Variants in OXNAD1 observed in about 807,000 individuals in gnomAD.
The protein encoded by OXNAD1 is oxidoreductase NAD-binding domain-containing protein 1.
Under a neutral mutation model 32.9 loss-of-function variants are expected in OXNAD1, and 34 were observed. That is an observed-to-expected ratio of 1.03 (90% CI 0.79 to 1.38). OXNAD1 has a LOEUF of 1.38. Ranked by LOEUF, OXNAD1 falls within the 40% of genes most tolerant of loss-of-function variation. The pLI is 0.00. For synonymous variants in OXNAD1, 134 were observed against 135.2 expected, an observed-to-expected ratio of 0.99 and a Z score of 0.06; for missense variants, 407 against 379.4, an observed-to-expected ratio of 1.07 and a Z score of -0.60.
rs1468055255 is a variant in OXNAD1, at chr3:16,320,559, G to A, written c.*31-16553G>A. On this transcript the variant is annotated intron_variant, in intron 9 of 9. Coordinates refer to the OXNAD1 transcript ENST00000435829. This position sits in a 1 kb window ranked among gnomAD's most constrained non-coding sequence, Gnocchi z 4.5. ...CTCTGCCTGGGAAGGATAAAATAAT[G>A]ATCACAAATAACTAAAAGCCCAAAG... 6.6e-6 allele frequency among the ~76,000 whole-genome samples: 1 copy of A among 152,202 alleles called. No homozygotes were observed. Among genetic ancestry groups the A allele is most frequent in the Non-Finnish European group, 1.5e-5 (1 of 68,034 alleles).
At position 16,284,239 on chromosome 3, in the gene OXNAD1, T is replaced by C. The variant is rs540495053; in HGVS notation, c.184-2103T>C. On this transcript the variant is annotated intron_variant, in intron 4 of 8. Transcript: ENST00000285083. This position sits in a 1 kb window ranked among gnomAD's most constrained non-coding sequence, Gnocchi z 4.1. ...AAAAGCATTGGTATGGTGGCATATA[T>C]AGTTATAAATGAATAAAATGTAATA... Among the ~76,000 whole-genome samples, 3 of 152,320 alleles carry C rather than the reference T, an allele frequency of 2.0e-5. No homozygotes were observed. The South Asian group carries it at 6.2e-4, about 32-fold the overall frequency.
intron 9 of OXNAD1, among the ~76,000 whole-genome samples, chr3:16,325,574 G>C (rs1472337842): frequency 6.6e-6 from 1 of 152,128 alleles, no homozygotes; most frequent in Non-Finnish European, 1.5e-5. Flanking sequence ...TGAAGACTTG[G>C]GTTCAAGTCT....
chr3:16,347,173 T>C (rs908274553), intron 9 of OXNAD1, among the ~76,000 whole-genome samples: 7 of 152,152 alleles, frequency 4.6e-5, no homozygotes, highest in Non-Finnish European at 8.8e-5. Flanking sequence ...CTTCAACCCA[T>C]TGCAAAAATC....
At chr3:16,282,038 T>C (rs1253498694) in intron 4 of OXNAD1, among the ~76,000 whole-genome samples, 1 of 68,120 alleles carries the variant, frequency 1.5e-5, no homozygotes, top group East Asian at 3.2e-4. Context: ...ATGTTTGTAA[T>C]TTTTTTTTTT....
chr3:16,326,733 A>C (rs1315420082), intron 9 of OXNAD1: 1 of 1,432,492 alleles, frequency 7.0e-7, no homozygotes, highest in East Asian at 2.3e-5. Flanking sequence ...AGCACAGAGT[A>C]AGTGTTCAAT....
At position 16,321,834 on chromosome 3, in the gene OXNAD1, A is replaced by G. The variant is rs935491005; in HGVS notation, c.*31-15278A>G. Among the ~76,000 whole-genome samples, 1 of 152,190 alleles carries G rather than the reference A, an allele frequency of 6.6e-6. No homozygotes were observed. Among genetic ancestry groups the G allele is most frequent in the African/African-American group, 2.4e-5 (1 of 41,452 alleles). ...AGAGTCAGTTCAACCTTATTACAGC[A>G]GCTTTTACAAATCTATCTCTAAAGT... is the stretch of plus-strand genomic sequence containing the variant. On this transcript the variant is annotated intron_variant, in intron 9 of 9. Coordinates refer to the OXNAD1 transcript ENST00000435829. This position sits in a 1 kb window ranked among gnomAD's most constrained non-coding sequence, Gnocchi z 4.8.
chr3:16,319,693 TCTG>T (rs918346401), intron 9 of OXNAD1, among the ~76,000 whole-genome samples: 13 of 152,206 alleles, frequency 8.5e-5, no homozygotes, highest in African/African-American at 3.1e-4. Context: ...ATCTTGTTGA[TCTG>T]CTGATATAAT....
chr3:16,288,862 AGT>A lies in OXNAD1; in HGVS notation c.290+2418_290+2419del, dbSNP rs746045909. Among the ~76,000 whole-genome samples the A allele has an allele frequency of 6.6e-6, 1 of 152,156 alleles. No homozygotes were observed. Among genetic ancestry groups the A allele is most frequent in the Admixed American group, 6.5e-5 (1 of 15,278 alleles). On this transcript the variant is annotated intron_variant, in intron 5 of 8. Coordinates refer to ENST00000285083, the MANE Select transcript of OXNAD1 (RefSeq NM_138381.5). This position sits in a 1 kb window ranked among gnomAD's most constrained non-coding sequence, Gnocchi z 5.1. ...AGCATGCCACCACTGGTCCTCACAC[AGT>A]GTGCAGCTGCCCTGAGTTTCTAGAT...
At chr3:16,270,471 A>G (rs1382209068) in intron 2 of OXNAD1, among the ~76,000 whole-genome samples, 1 of 152,092 alleles carries the variant, frequency 6.6e-6, no homozygotes, top group Non-Finnish European at 1.5e-5. Context: ...GAATAGTGTT[A>G]TTATTTTCTG....
In OXNAD1 at chr3:16,290,598, G is replaced by C. The variant is rs2066366538; in HGVS notation, c.290+4150G>C. Among the ~76,000 whole-genome samples the C allele has an allele frequency of 6.6e-6, 1 of 152,184 alleles. No homozygotes were observed. Among genetic ancestry groups the C allele is most frequent in the African/African-American group, 2.4e-5 (1 of 41,444 alleles). ...GGAGATTTTTGTATACCTCCTCTGT[G>C]ATAGCATATAGCAACTGTGTTAACA... On this transcript the variant is annotated intron_variant, in intron 5 of 8. Transcript: ENST00000285083. The surrounding 1 kb of genome is among the most constrained non-coding windows in gnomAD (Gnocchi z 4.2).
rs899060770 is a variant in OXNAD1, at chr3:16,348,088, AC to A, written c.*31-1085del. 78 of 152,078 alleles carry A rather than the reference AC, an allele frequency of 5.1e-4. No individual in the cohort carries two copies. Among genetic ancestry groups the A allele is most frequent in the Admixed American group, 1.8e-3 (28 of 15,270 alleles). The allele number at this position is 152,078 out of a possible 1,614,324, so 9.4% of individuals were successfully genotyped here. A position where few individuals can be genotyped will look rare whatever the true frequency, so the allele number is the denominator to read the frequency against. Reference sequence around the variant, plus strand: ...AGGCCAGGGAGCAGGGCTTTCATACACCCACACTCCTCTGTCATCGACGAGG... The same window carrying A: ...AGGCCAGGGAGCAGGGCTTTCATACACCACACTCCTCTGTCATCGACGAGG... On this transcript the variant is annotated intron_variant, in intron 9 of 9. Transcript: ENST00000606098. The surrounding 1 kb of genome is among the most constrained non-coding windows in gnomAD (Gnocchi z 6.3).
chr3:16,346,839 A>G lies in OXNAD1; in HGVS notation c.*31-2337A>G, dbSNP rs1396570679. On this transcript the variant is annotated intron_variant, in intron 9 of 9. Coordinates refer to the OXNAD1 transcript ENST00000606098. This position sits in a 1 kb window ranked among gnomAD's most constrained non-coding sequence, Gnocchi z 4.4. Reference sequence around the variant, plus strand: ...GAGGATCATAAGGAGAGCCCTGCAGACAGGCTGAGGATGAGTACAGAAAGA... The same window carrying G: ...GAGGATCATAAGGAGAGCCCTGCAGGCAGGCTGAGGATGAGTACAGAAAGA... 6.6e-6 allele frequency among the ~76,000 whole-genome samples: 1 copy of G among 152,216 alleles called. No homozygotes were observed. The highest frequency in any genetic ancestry group is 1.5e-5 in the Non-Finnish European group (1 of 68,034).
In OXNAD1 at chr3:16,303,755, G is replaced by A; in HGVS notation, c.*193G>A. On this transcript the variant is annotated 3_prime_UTR_variant, in exon 9 of 9. Coordinates refer to ENST00000285083, the MANE Select transcript of OXNAD1 (RefSeq NM_138381.5). This position sits in a 1 kb window ranked among gnomAD's most constrained non-coding sequence, Gnocchi z 4.8. ...ATAAACTTTTTGCAAAGACCTCAGT[G>A]ATCAAACTATTTTTTACTATACTGA... 1 of 504,774 alleles carries A rather than the reference G, an allele frequency of 2.0e-6. No individual in the cohort carries two copies. Among genetic ancestry groups the A allele is most frequent in the African/African-American group, 1.9e-5 (1 of 51,492 alleles). The allele number at this position is 504,774 out of a possible 1,614,324, so 31.3% of individuals were successfully genotyped here. A position where few individuals can be genotyped will look rare whatever the true frequency, so the allele number is the denominator to read the frequency against.
At position 16,335,614 on chromosome 3, in the gene OXNAD1, G is replaced by A. The variant is rs1389460609; in HGVS notation, c.*31-1498G>A. Among the ~76,000 whole-genome samples the A allele has an allele frequency of 2.0e-5, 3 of 152,050 alleles. No individual in the cohort carries two copies. Among genetic ancestry groups the A allele is most frequent in the African/African-American group, 7.2e-5 (3 of 41,390 alleles). On this transcript the variant is annotated intron_variant, in intron 9 of 9. Coordinates refer to the OXNAD1 transcript ENST00000435829. This position sits in a 1 kb window ranked among gnomAD's most constrained non-coding sequence, Gnocchi z 4.7. ...CACATGGTGGGGAGCAACACACACTGGGACCTGTTGGAGGTGTGGGAGGAG... is the reference window on the plus strand; with the variant it reads ...CACATGGTGGGGAGCAACACACACTAGGACCTGTTGGAGGTGTGGGAGGAG...
intron 4 of OXNAD1, among the ~76,000 whole-genome samples, chr3:16,281,897 T>C (rs1034328433): frequency 7.4e-6 from 1 of 135,532 alleles, no homozygotes; most frequent in South Asian, 2.5e-4. Context: ...TAACATTTCT[T>C]TTTTTTTTTT....
At position 16,322,803 on chromosome 3, in the gene OXNAD1, G is replaced by A. The variant is rs1008149398; in HGVS notation, c.*31-14309G>A. Among the ~76,000 whole-genome samples the A allele has an allele frequency of 1.6e-4, 24 of 152,248 alleles. No individual in the cohort carries two copies. The highest frequency in any genetic ancestry group is 5.8e-4 in the African/African-American group (24 of 41,538). On this transcript the variant is annotated intron_variant, in intron 9 of 9. Transcript: ENST00000435829. This position sits in a 1 kb window ranked among gnomAD's most constrained non-coding sequence, Gnocchi z 6.2. ...TCAGAGTCCGGAGAGGGGGAAAAGG[G>A]CCCTGGGGATCTCTTGAGGACAGCC... is the stretch of plus-strand genomic sequence containing the variant.
At chr3:16,295,092 G>A (rs895722434) in intron 6 of OXNAD1, 95 bp downstream of exon 6, 11 of 1,401,496 alleles carry the variant, frequency 7.8e-6, no homozygotes, top group South Asian at 7.0e-5. Flanking sequence ...AGAAACCTGG[G>A]CTTGAGTAAA....
chr3:16,328,945 A>G (rs9831024), intron 9 of OXNAD1, among the ~76,000 whole-genome samples: 9,614 of 152,312 alleles, frequency 0.063, 990 homozygotes, highest in African/African-American at 0.22. Flanking sequence ...ATTCTGCCAC[A>G]CTGCAAGGGG....
rs1310226551 is a variant in OXNAD1 at position 16,344,898 on chromosome 3, A to T, written c.*31-4278A>T. Among the ~76,000 whole-genome samples, 1 of 152,226 alleles carries T rather than the reference A, an allele frequency of 6.6e-6. No individual in the cohort carries two copies. Among genetic ancestry groups the T allele is most frequent in the Non-Finnish European group, 1.5e-5 (1 of 68,036 alleles). ...ACCCCCCAACCTTTTATGCTCACTG[A>T]TTTAATATACTTCAGTTCTCTCTGG... On this transcript the variant is annotated intron_variant, in intron 9 of 9. Coordinates refer to the OXNAD1 transcript ENST00000606098. The surrounding 1 kb of genome is among the most constrained non-coding windows in gnomAD (Gnocchi z 4.4).
Sources: allele counts gnomAD v4.1 joint callset (sites outside exome capture counted in the v4.1 genomes callset), GRCh38; gene constraint gnomAD v4.1.1; non-coding constraint Gnocchi (gnomAD v3.1); transcripts MANE v1.5; gene names NCBI Gene and HGNC (gene_info 2026-07-23, HGNC 2026-07-21).